The following TENM2 variants were observed in gnomAD, a reference collection of about 807,000 sequenced individuals.
TENM2 encodes the protein teneurin-2.
Under a neutral mutation model 245.2 loss-of-function variants are expected in TENM2, and 52 were observed. That is an observed-to-expected ratio of 0.21 (90% CI 0.17 to 0.27). The LOEUF is 0.27. TENM2 is among the 10% of genes least tolerant of loss of function. The pLI is 1.00. For synonymous variants in TENM2, 1,363 were observed against 1,438.9 expected (o/e 0.95, Z 1.19); for missense variants, 3,046 against 3,666.8 (o/e 0.83, Z 4.37).
At chr5:167,415,257 T>G (rs2127412514) in intron 2 of TENM2, among the ~76,000 whole-genome samples, 1 of 140,448 alleles carries the variant, frequency 7.1e-6, no homozygotes, top group Non-Finnish European at 1.6e-5. Context: ...TTCTTTCCAA[T>G]AAGTGACTCT....
the TENM2 span, among the ~76,000 whole-genome samples, chr5:167,175,072 A>G: frequency 2.0e-5 from 3 of 152,010 alleles, no homozygotes; most frequent in African/African-American, 4.8e-5. Context: ...TTATCCATTT[A>G]TCCATTTACA....
chr5:167,985,440 G>C (rs545806473), intron 4 of TENM2, among the ~76,000 whole-genome samples: 1 of 152,178 alleles, frequency 6.6e-6, no homozygotes, highest in Non-Finnish European at 1.5e-5. Flanking sequence ...ACAGCGCTAC[G>C]TTGAGACCAT....
chr5:168,058,036 A>C (rs1304116291), intron 6 of TENM2, among the ~76,000 whole-genome samples: 1 of 152,222 alleles, frequency 6.6e-6, no homozygotes. Context: ...CTCCCAGCCA[A>C]GCACAAGCTC....
rs141374022 is a variant in TENM2 at position 167,474,633 on chromosome 5, G to T, written c.502+99160G>T. Among the ~76,000 whole-genome samples, 606 of 151,894 alleles carry T rather than the reference G, an allele frequency of 4.0e-3. 2 individuals carry two copies. Among genetic ancestry groups the T allele is most frequent in the Admixed American group, 0.012 (186 of 15,246 alleles). ...GGTTCAGGGAATTCTCCCTGCCTCA[G>T]CCTCCCGAGTAGCTGGGATTACAGG... On this transcript the variant is annotated intron_variant, in intron 2 of 28. Transcript: ENST00000518659.
At chr5:168,045,886 G>A (rs10516041) in intron 5 of TENM2, among the ~76,000 whole-genome samples, 15,810 of 152,214 alleles carry the variant, frequency 0.1, 1,135 homozygotes, top group Admixed American at 0.24. Flanking sequence ...GTCTCTTCAA[G>A]TGAGTGACCT....
chr5:167,575,130 A>AC (rs1473029614), intron 2 of TENM2, among the ~76,000 whole-genome samples: 1 of 151,374 alleles, frequency 6.6e-6, no homozygotes, highest in African/African-American at 2.4e-5. Flanking sequence ...AAAAAAAAAA[A>AC]AACAACCCAA....
chr5:168,142,849 C>T (rs1456378582), intron 12 of TENM2, among the ~76,000 whole-genome samples: 2 of 152,174 alleles, frequency 1.3e-5, no homozygotes, highest in Non-Finnish European at 2.9e-5. Context: ...TGCCTTGAAG[C>T]CTGGAATATA....
At chr5:168,194,391 T>C (rs960859167) in intron 14 of TENM2, among the ~76,000 whole-genome samples, 1 of 152,114 alleles carries the variant, frequency 6.6e-6, no homozygotes, top group African/African-American at 2.4e-5. Flanking sequence ...GAAACCGGGA[T>C]TTGTGGGAAA....
the TENM2 span, among the ~76,000 whole-genome samples, chr5:167,190,406 T>C: frequency 4.6e-5 from 7 of 151,984 alleles, no homozygotes; most frequent in African/African-American, 1.7e-4. Flanking sequence ...CTCATTGAGA[T>C]GTGGGTCATA....
At chr5:167,131,597 G>A in the TENM2 span, among the ~76,000 whole-genome samples, 3 of 152,212 alleles carry the variant, frequency 2.0e-5, no homozygotes, top group African/African-American at 7.2e-5. Context: ...TACAGAGCTA[G>A]CATCCATCAA....
chr5:166,994,623 A>G, the TENM2 span, among the ~76,000 whole-genome samples: 3 of 152,202 alleles, frequency 2.0e-5, no homozygotes, highest in Admixed American at 1.3e-4. Context: ...CAGATTGCCA[A>G]AAGGTGTATG....
At chr5:167,426,948 C>T (rs1763861390) in intron 2 of TENM2, among the ~76,000 whole-genome samples, 1 of 152,076 alleles carries the variant, frequency 6.6e-6, no homozygotes, top group South Asian at 2.1e-4. Flanking sequence ...AGAATAAAAA[C>T]TACAAGGACA....
At chr5:167,323,233 G>A (rs1028165100) in intron 1 of TENM2, among the ~76,000 whole-genome samples, 1 of 152,188 alleles carries the variant, frequency 6.6e-6, no homozygotes, top group Non-Finnish European at 1.5e-5. Context: ...TTGGTTTTCT[G>A]AATGTACAGA....
chr5:167,771,503 G>C (rs535744216), intron 2 of TENM2, among the ~76,000 whole-genome samples: 1 of 152,278 alleles, frequency 6.6e-6, no homozygotes, highest in African/African-American at 2.4e-5. Flanking sequence ...GAAGAGTAGG[G>C]TTTTGTTTGT....
At chr5:167,319,062 G>A (rs1460495069) in intron 1 of TENM2, among the ~76,000 whole-genome samples, 2 of 152,146 alleles carry the variant, frequency 1.3e-5, no homozygotes, top group East Asian at 3.9e-4. Context: ...TTTATCAATT[G>A]ATATACAGTT....
chr5:168,061,393 A>G (rs1790025113), intron 6 of TENM2, among the ~76,000 whole-genome samples: 1 of 152,192 alleles, frequency 6.6e-6, no homozygotes, highest in Admixed American at 6.5e-5. Context: ...CTCCACTTTA[A>G]AAATAGATAT....
intron 3 of TENM2, among the ~76,000 whole-genome samples, chr5:167,901,652 A>C (rs905627486): frequency 6.6e-6 from 1 of 152,234 alleles, no homozygotes; most frequent in Non-Finnish European, 1.5e-5. Context: ...TGGTACAGTC[A>C]TAATTGCTTG....
intron 3 of TENM2, among the ~76,000 whole-genome samples, chr5:167,940,910 C>T (rs1353913466): frequency 6.6e-6 from 1 of 152,178 alleles, no homozygotes; most frequent in Non-Finnish European, 1.5e-5. Flanking sequence ...TTCCAGACTA[C>T]ACTATTAAAG....
the TENM2 span, among the ~76,000 whole-genome samples, chr5:167,148,175 C>T: frequency 6.6e-6 from 1 of 152,150 alleles, no homozygotes; most frequent in East Asian, 1.9e-4. Flanking sequence ...GTTCCACAAC[C>T]CCTGTGGCTC....
Sources: gnomAD v4.1 joint callset for allele counts (sites outside exome capture counted in the v4.1 genomes callset) on GRCh38, gnomAD v4.1.1 for gene constraint, MANE v1.5 for transcripts, NCBI Gene and HGNC (gene_info 2026-07-23, HGNC 2026-07-21) for gene names.